The following DCDC2 variants were observed in gnomAD, a reference collection of about 807,000 sequenced individuals.
The protein encoded by DCDC2 is doublecortin domain-containing protein 2.
DCDC2 carries 40 observed loss-of-function variants against 50.2 expected under a neutral mutation model. The observed-to-expected ratio is 0.80, with a 90% CI of 0.62 to 1.04. The LOEUF is 1.04. DCDC2 is among the 50% of genes least tolerant of loss of function. The pLI is 0.00. For missense variants in DCDC2, 570 were observed against 581.9 expected, an observed-to-expected ratio of 0.98 and a Z score of 0.21; for synonymous variants, 234 against 210.6, an observed-to-expected ratio of 1.11 and a Z score of -0.96.
At position 24,290,016 on chromosome 6, in the gene DCDC2, C is replaced by G. The variant is rs9467101; in HGVS notation, c.704+916G>C. Among the ~76,000 whole-genome samples, 808 of 93,430 alleles carry G rather than the reference C, an allele frequency of 8.6e-3. 17 individuals carry two copies. The highest frequency in any genetic ancestry group is 0.031 in the African/African-American group (766 of 24,542). 61.3% of individuals were successfully genotyped at this position (93,430 alleles called of 152,430 possible). A position where few individuals can be genotyped will look rare whatever the true frequency, so the allele number is the denominator to read the frequency against. On this transcript the variant is annotated intron_variant, in intron 5 of 9. Transcript: ENST00000378454. ...TTTTTTTTTTTTTTTTTTTTTGAGA[C>G]GGAGTCTCGCTCTGTCGCCCAGGCT...
At chr6:24,202,898 G>GA (rs1761619741) in intron 8 of DCDC2, among the ~76,000 whole-genome samples, 1 of 152,062 alleles carries the variant, frequency 6.6e-6, no homozygotes, top group African/African-American at 2.4e-5. Flanking sequence ...GCTACAAAGA[G>GA]AATAAAATAC....
At chr6:24,194,929 G>GT (rs1468840775) in intron 8 of DCDC2, among the ~76,000 whole-genome samples, 2 of 152,142 alleles carry the variant, frequency 1.3e-5, no homozygotes, top group Admixed American at 6.6e-5. Flanking sequence ...GGGTTTGGAA[G>GT]TACTACCAGG....
chr6:24,220,887 AGAGT>A (rs76003525), intron 7 of DCDC2, among the ~76,000 whole-genome samples: 51 of 114,804 alleles, frequency 4.4e-4, no homozygotes, highest in African/African-American at 1.5e-3. Context: ...CGAGAGCGAG[AGAGT>A]GAGCGAGCGA....
At chr6:24,364,609 TAGTA>T in the DCDC2 span, among the ~76,000 whole-genome samples, 1 of 152,168 alleles carries the variant, frequency 6.6e-6, no homozygotes, top group Non-Finnish European at 1.5e-5. Flanking sequence ...GGCTGGAACA[TAGTA>T]AGTATTAAAT....
intron 2 of DCDC2, among the ~76,000 whole-genome samples, chr6:24,304,233 A>C (rs780282412): frequency 2.0e-5 from 3 of 152,212 alleles, no homozygotes; most frequent in African/African-American, 4.8e-5. Flanking sequence ...CTGTAATCCC[A>C]ACACTTTGGG....
intron 2 of DCDC2, among the ~76,000 whole-genome samples, chr6:24,337,560 G>A (rs1037405192): frequency 1.2e-4 from 19 of 152,190 alleles, no homozygotes; most frequent in Admixed American, 3.3e-4. Flanking sequence ...TTGGGAGGCC[G>A]AGGTGGGCGG....
At chr6:24,234,025 T>A (rs1167408528) in intron 7 of DCDC2, among the ~76,000 whole-genome samples, 2 of 152,086 alleles carry the variant, frequency 1.3e-5, no homozygotes, top group East Asian at 1.9e-4. Context: ...GAGATGCACA[T>A]AAAATGCAGA....
At chr6:24,174,856 C>A (rs746009140) in intron 9 of DCDC2, 22 bp from the exon 10 acceptor site, 1 of 1,521,776 alleles carries the variant, frequency 6.6e-7, no homozygotes, top group Non-Finnish European at 9.1e-7. Context: ...TAGATCAAAA[C>A]AAAGGTATTC....
At chr6:24,351,834 G>T (rs1254445496) in intron 2 of DCDC2, among the ~76,000 whole-genome samples, 1 of 152,206 alleles carries the variant, frequency 6.6e-6, no homozygotes, top group East Asian at 1.9e-4. Context: ...GGCCGGGCTT[G>T]GTGGCTCATG....
intron 7 of DCDC2, among the ~76,000 whole-genome samples, chr6:24,241,689 A>G (rs114461085): frequency 0.014 from 2,194 of 152,366 alleles, 16 homozygotes; most frequent in Middle Eastern, 0.044. Flanking sequence ...CAAAGCATTT[A>G]GAGAGTAATC....
chr6:24,356,116 A>G (rs1385833433), intron 1 of DCDC2, among the ~76,000 whole-genome samples: 1 of 152,212 alleles, frequency 6.6e-6, no homozygotes, highest in African/African-American at 2.4e-5. Flanking sequence ...TCATAGATGC[A>G]TTATTCATAA....
chr6:24,229,750 T>C (rs1253798093), intron 7 of DCDC2, among the ~76,000 whole-genome samples: 2 of 152,196 alleles, frequency 1.3e-5, no homozygotes, highest in Non-Finnish European at 2.9e-5. Context: ...GGAGATACAC[T>C]GTAAATGTTT....
At chr6:24,240,101 T>C (rs6917481) in intron 7 of DCDC2, among the ~76,000 whole-genome samples, 6,141 of 152,276 alleles carry the variant, frequency 0.04, 268 homozygotes, top group African/African-American at 0.11. Context: ...ACATCTAGCA[T>C]TATCTGTAAG....
chr6:24,229,470 A>C (rs1762294567), intron 7 of DCDC2, among the ~76,000 whole-genome samples: 1 of 152,198 alleles, frequency 6.6e-6, no homozygotes, highest in Admixed American at 6.5e-5. Context: ...TAGCAACCTT[A>C]ATTCCCCCTT....
intron 8 of DCDC2, among the ~76,000 whole-genome samples, chr6:24,179,953 CAAAAAAAAA>C (rs56376644): frequency 1.2e-5 from 1 of 85,984 alleles, no homozygotes; most frequent in Non-Finnish European, 2.1e-5. Context: ...GACTCCATCT[CAAAAAAAAA>C]AAAAAAAAAC....
rs183252535 is a variant in DCDC2 at position 24,214,109 on chromosome 6, G to A, written c.923-9007C>T. Reference sequence around the variant, plus strand: ...ATAACACATAAAAATAATTTTATCCGCACATTTATATGGGCTAAGTATTCT... The same window carrying A: ...ATAACACATAAAAATAATTTTATCCACACATTTATATGGGCTAAGTATTCT... On this transcript the variant is annotated intron_variant, in intron 7 of 9. Transcript: ENST00000378454. 3.6e-3 allele frequency among the ~76,000 whole-genome samples: 549 copies of A among 152,122 alleles called. 6 individuals carry two copies. The highest frequency in any genetic ancestry group is 0.012 in the African/African-American group (508 of 41,500).
chr6:24,381,292 T>C, the DCDC2 span, among the ~76,000 whole-genome samples: 4 of 152,178 alleles, frequency 2.6e-5, no homozygotes, highest in East Asian at 5.8e-4. Flanking sequence ...GTATATCAGA[T>C]AATATTATTA....
At chr6:24,223,588 A>C (rs536342208) in intron 7 of DCDC2, among the ~76,000 whole-genome samples, 1 of 152,378 alleles carries the variant, frequency 6.6e-6, no homozygotes, top group Non-Finnish European at 1.5e-5. Context: ...AAATGCATAA[A>C]TGATAGATAA....
At chr6:24,349,354 G>T (rs1400468970) in intron 2 of DCDC2, among the ~76,000 whole-genome samples, 1 of 152,210 alleles carries the variant, frequency 6.6e-6, no homozygotes, top group Non-Finnish European at 1.5e-5. Context: ...TAATCATTTT[G>T]CTTACTCTGC....
Sources: gnomAD v4.1 joint callset for allele counts (sites outside exome capture counted in the v4.1 genomes callset) on GRCh38, gnomAD v4.1.1 for gene constraint, MANE v1.5 for transcripts, NCBI Gene and HGNC (gene_info 2026-07-23, HGNC 2026-07-21) for gene names.